The following ATP11A variants were observed in gnomAD, a reference collection of about 807,000 sequenced individuals.
ATP11A encodes phospholipid-transporting ATPase IH.
A neutral mutation model predicts 154.4 loss-of-function variants in ATP11A; 81 were observed. The observed-to-expected ratio is 0.52, with a 90% CI of 0.44 to 0.63. The LOEUF (loss-of-function observed/expected upper bound fraction) is 0.63. Ranked by LOEUF, ATP11A falls within the 30% of genes least tolerant of loss-of-function variation. ATP11A has a pLI of 0.00. For missense variants in ATP11A, 1,316 were observed against 1,474.3 expected (o/e 0.89, Z 1.76); for synonymous variants, 623 against 585.9 (o/e 1.06, Z -0.91).
intron 17 of ATP11A, among the ~76,000 whole-genome samples, chr13:112,849,871 A>G (rs2079714064): frequency 2.0e-5 from 3 of 152,190 alleles, no homozygotes; most frequent in Non-Finnish European, 2.9e-5. Context: ...GTTCAGTGCT[A>G]CTTTCCTCTG....
intron 1 of ATP11A, among the ~76,000 whole-genome samples, chr13:112,742,611 G>A (rs1263130848): frequency 6.6e-6 from 1 of 152,244 alleles, no homozygotes; most frequent in African/African-American, 2.4e-5. Flanking sequence ...CGAAGCTACC[G>A]CTTATGCCAG....
chr13:112,834,687 T>C (rs78543331), intron 15 of ATP11A, 27 bp downstream of exon 15: 39,197 of 1,546,590 alleles, frequency 0.025, 687 homozygotes, highest in African/African-American at 0.081. Flanking sequence ...CCCTCAGATG[T>C]GAAAGGACTA....
At chr13:112,855,453 C>T (rs1474501337) in intron 19 of ATP11A, among the ~76,000 whole-genome samples, 1 of 152,186 alleles carries the variant, frequency 6.6e-6, no homozygotes, top group Non-Finnish European at 1.5e-5. Context: ...GCTGGGATTA[C>T]AGGTGTGAGC....
intron 12 of ATP11A, among the ~76,000 whole-genome samples, chr13:112,828,336 T>G (rs2140236366): frequency 1.7e-5 from 2 of 118,372 alleles, no homozygotes; most frequent in Non-Finnish European, 1.7e-5. Flanking sequence ...CCAGCAGTGT[T>G]GAGTGGGGGG....
chr13:112,832,572 C>T (rs1454045807), intron 13 of ATP11A, among the ~76,000 whole-genome samples: 1 of 152,064 alleles, frequency 6.6e-6, no homozygotes, highest in Non-Finnish European at 1.5e-5. Flanking sequence ...CGGTCACTTG[C>T]CATTTCTGAG....
chr13:112,693,272 G>C (rs944850573), intron 1 of ATP11A, among the ~76,000 whole-genome samples: 35 of 152,292 alleles, frequency 2.3e-4, no homozygotes, highest in African/African-American at 8.4e-4. Flanking sequence ...ATACCATGAG[G>C]AGTGCTTGTG....
intron 18 of ATP11A, among the ~76,000 whole-genome samples, chr13:112,853,281 TACAC>T (rs71879208): frequency 5.9e-5 from 9 of 151,416 alleles, no homozygotes; most frequent in South Asian, 4.2e-4. Context: ...CATATGTACA[TACAC>T]ACACACACAC....
chr13:112,832,287 G>T (rs1357955711), intron 13 of ATP11A, among the ~76,000 whole-genome samples: 1 of 152,202 alleles, frequency 6.6e-6, no homozygotes, highest in Admixed American at 6.5e-5. Context: ...GCCGGCTGTG[G>T]CCCTGAGCAC....
At chr13:112,776,345 T>C (rs1049409409) in intron 1 of ATP11A, among the ~76,000 whole-genome samples, 9 of 152,140 alleles carry the variant, frequency 5.9e-5, no homozygotes, top group African/African-American at 2.2e-4. Context: ...TGCTGCCTGC[T>C]CCGTCCTCTC....
intron 1 of ATP11A, among the ~76,000 whole-genome samples, chr13:112,713,352 G>GC (rs1234154560): frequency 2.6e-5 from 4 of 152,186 alleles, no homozygotes; most frequent in African/African-American, 7.2e-5. Context: ...CCAAGATCAT[G>GC]CCATTGCACT....
rs2080785055 is a variant in ATP11A, at chr13:112,878,155, C to G, written c.3328-62C>G. The G allele has an allele frequency of 4.7e-6, 7 of 1,492,840 alleles. No homozygotes were observed. The Admixed American group carries it at 8.4e-5, about 18-fold the overall frequency. 92.5% of individuals were successfully genotyped at this position (1,492,840 alleles called of 1,614,324 possible). A position where few individuals can be genotyped will look rare whatever the true frequency, so the allele number is the denominator to read the frequency against. On this transcript the variant is annotated intron_variant, in intron 28 of 29. Coordinates refer to ENST00000375645, the MANE Select transcript of ATP11A (RefSeq NM_015205.3). ...TTCCTTCCGTCTTCCGACCGCTTTG[C>G]CTAAATCCTCACACCTTGTTCACAC...
chr13:112,879,995 C>T (rs1221263873), intron 29 of ATP11A, among the ~76,000 whole-genome samples: 1 of 152,230 alleles, frequency 6.6e-6, no homozygotes, highest in Admixed American at 6.5e-5. Context: ...TCCTACTTCT[C>T]CTCACCTGGG....
chr13:112,789,330 A>G (rs1375417002), intron 2 of ATP11A, among the ~76,000 whole-genome samples: 1 of 149,438 alleles, frequency 6.7e-6, no homozygotes, highest in African/African-American at 2.5e-5. Flanking sequence ...GTGGAGACCT[A>G]CTTAATTCAC....
chr13:112,868,528 A>G (rs933524176), intron 25 of ATP11A, among the ~76,000 whole-genome samples: 1 of 152,176 alleles, frequency 6.6e-6, no homozygotes, highest in Non-Finnish European at 1.5e-5. Flanking sequence ...CTTGGCTGAG[A>G]TGTGCCTGTC....
intron 2 of ATP11A, among the ~76,000 whole-genome samples, chr13:112,801,086 A>G (rs558123916): frequency 2.0e-5 from 3 of 151,396 alleles, no homozygotes; most frequent in Non-Finnish European, 4.4e-5. Flanking sequence ...GAAAAAAGGC[A>G]AGAAATCCCT....
Position 112,816,103 on chromosome 13 carries a change from TA to T in ATP11A, c.464del (p.Lys155ArgfsTer10), listed in dbSNP as rs2078639268. 1 of 1,614,086 alleles carries T rather than the reference TA, an allele frequency of 6.2e-7. No individual in the cohort carries two copies. Among genetic ancestry groups the T allele is most frequent in the African/African-American group, 1.3e-5 (1 of 74,938 alleles). On this transcript the variant is annotated frameshift_variant, in exon 6 of 30. Coordinates refer to ENST00000375645, the MANE Select transcript of ATP11A (RefSeq NM_015205.3). LOFTEE classifies it high-confidence loss of function. Reference sequence around the variant, plus strand: ...TGTAGGTTGGGGACATTGTCATGGTTAAGGAGGACGAGACCTTTCCCTGCGA... The same window carrying T: ...TGTAGGTTGGGGACATTGTCATGGTTAGGAGGACGAGACCTTTCCCTGCGA... ...KLRVGDIVMVKEDETFPCDLI... is the reference protein window; with the variant it reads ...KLRVGDIVMVXEDETFPCDLI...
chr13:112,784,944 G>C (rs2077586721), intron 1 of ATP11A, among the ~76,000 whole-genome samples, 191 bp from the exon 2 acceptor site: 1 of 152,220 alleles, frequency 6.6e-6, no homozygotes, highest in Admixed American at 6.5e-5. Context: ...CTTGGCCCAT[G>C]AGGGCTGCGT....
Position 112,859,322 on chromosome 13 carries a change from G to A in ATP11A, c.2668-71G>A. On this transcript the variant is annotated intron_variant, in intron 22 of 29. Coordinates refer to ENST00000375645, the MANE Select transcript of ATP11A (RefSeq NM_015205.3). The surrounding 1 kb of genome is among the most constrained non-coding windows in gnomAD (Gnocchi z 4.3). ...GGATCCCTCCTCCCATGTGGGGTGG[G>A]CCACGTCGGTAGGTGGCGGCTGCCT... The A allele has an allele frequency of 1.5e-6, 2 of 1,300,656 alleles. No homozygotes were observed. Among genetic ancestry groups the A allele is most frequent in the South Asian group, 1.2e-5 (1 of 84,668 alleles). The allele number at this position is 1,300,656 out of a possible 1,614,324, so 80.6% of individuals were successfully genotyped here.
At position 112,813,885 on chromosome 13, in the gene ATP11A, A is replaced by G. The variant is rs1265304014; in HGVS notation, c.442-2198A>G. 2.0e-5 allele frequency among the ~76,000 whole-genome samples: 3 copies of G among 149,930 alleles called. No homozygotes were observed. The East Asian group carries it at 5.9e-4, about 29-fold the overall frequency. On this transcript the variant is annotated intron_variant, in intron 5 of 29. Transcript: ENST00000375645. The stretch of plus-strand genomic sequence containing the variant: ...AAATAACTCTTCATGTCTTTTATCC[A>G]TTTTTCTAGCTGGATTCTTTGAGCT...
Sources: gnomAD v4.1 joint callset for allele counts (sites outside exome capture counted in the v4.1 genomes callset) on GRCh38, gnomAD v4.1.1 for gene constraint, Gnocchi (gnomAD v3.1) non-coding constraint, MANE v1.5 for transcripts, NCBI Gene and HGNC (gene_info 2026-07-23, HGNC 2026-07-21) for gene names.